Variants in PTPRN2 observed in about 807,000 individuals in gnomAD.
PTPRN2 encodes protein tyrosine phosphatase receptor type N2, also known as receptor-type tyrosine-protein phosphatase N2.
Under a neutral mutation model 118.8 loss-of-function variants are expected in PTPRN2, and 74 were observed. The observed-to-expected ratio is 0.62, with a 90% CI of 0.52 to 0.76. The LOEUF is 0.76. Among genes scored for constraint, PTPRN2 ranks in the 30% least tolerant of loss-of-function variants. PTPRN2 has a pLI of 0.00. For synonymous variants in PTPRN2, 641 were observed against 608.0 expected (o/e 1.05, Z -0.80); for missense variants, 1,481 against 1,394.4 (o/e 1.06, Z -0.99).
intron 10 of PTPRN2, among the ~76,000 whole-genome samples, chr7:158,109,888 T>C (rs1463443133): frequency 6.7e-6 from 1 of 150,346 alleles, no homozygotes. Flanking sequence ...AGTGAGTGAA[T>C]GATGTCACCC....
intron 11 of PTPRN2, among the ~76,000 whole-genome samples, chr7:158,072,893 T>G (rs771468837): frequency 1.3e-5 from 2 of 152,286 alleles, no homozygotes; most frequent in African/African-American, 2.4e-5. Flanking sequence ...GTCATAATAT[T>G]TGGACAATTC....
chr7:158,309,821 C>G (rs941512487), intron 3 of PTPRN2, among the ~76,000 whole-genome samples: 2 of 152,208 alleles, frequency 1.3e-5, no homozygotes, highest in African/African-American at 4.8e-5. Flanking sequence ...TTGACATCCT[C>G]CCCAAACGTA....
chr7:158,138,542 A>C, intron 6 of PTPRN2, 27 bp from the exon 7 acceptor site: 1 of 1,595,248 alleles, frequency 6.3e-7, no homozygotes, highest in Non-Finnish European at 8.5e-7. Flanking sequence ...AAACACAAGG[A>C]CGTTGTGGGT....
At chr7:158,564,257 T>C (rs1827546076) in intron 1 of PTPRN2, among the ~76,000 whole-genome samples, 1 of 143,152 alleles carries the variant, frequency 7.0e-6, no homozygotes, top group South Asian at 2.5e-4. Flanking sequence ...ATGAGTATTA[T>C]GACAAAAAAA....
At chr7:157,670,692 A>G (rs958243524) in intron 13 of PTPRN2, among the ~76,000 whole-genome samples, 1 of 152,204 alleles carries the variant, frequency 6.6e-6, no homozygotes, top group Non-Finnish European at 1.5e-5. Context: ...CTCACCGGGC[A>G]ATTAAGTTCT....
intron 2 of PTPRN2, among the ~76,000 whole-genome samples, chr7:158,463,073 C>G (rs1819119250): frequency 7.8e-6 from 1 of 128,510 alleles, no homozygotes; most frequent in African/African-American, 2.9e-5. Context: ...ACCATAAACC[C>G]CAAAGCCCCA....
chr7:158,381,709 T>C (rs533801759), intron 2 of PTPRN2, among the ~76,000 whole-genome samples: 103 of 152,284 alleles, frequency 6.8e-4, no homozygotes, highest in Admixed American at 2.4e-3. Context: ...TATTAGTCTG[T>C]TTTCATGCTG....
chr7:157,918,597 G>A lies in PTPRN2; in HGVS notation c.1724-19860C>T, dbSNP rs185735608. The stretch of plus-strand genomic sequence containing the variant: ...CCGTCCAGAAAGATTACAAACTGAC[G>A]CGGCCGGGAAAATCTATCAGACATA... On this transcript the variant is annotated intron_variant, in intron 11 of 22. Transcript: ENST00000389418. Among the ~76,000 whole-genome samples, 239 of 152,164 alleles carry A rather than the reference G, an allele frequency of 1.6e-3. 1 individual carries two copies. Among genetic ancestry groups the A allele is most frequent in the African/African-American group, 5.0e-3 (208 of 41,532 alleles).
At position 157,903,154 on chromosome 7, in the gene PTPRN2, A is replaced by G. The variant is rs1303478847; in HGVS notation, c.1724-4417T>C. 1.3e-5 allele frequency among the ~76,000 whole-genome samples: 2 copies of G among 152,150 alleles called. No homozygotes were observed. Among genetic ancestry groups the G allele is most frequent in the Non-Finnish European group, 1.5e-5 (1 of 68,024 alleles). On this transcript the variant is annotated intron_variant, in intron 11 of 22. Coordinates refer to ENST00000389418, the MANE Select transcript of PTPRN2 (RefSeq NM_002847.5). The surrounding 1 kb of genome is among the most constrained non-coding windows in gnomAD (Gnocchi z 4.2). ...ACGCTGCCACACACTCTCGCACGGA[A>G]GTGGGAACTACACTCATCAGAGAAC... is the stretch of plus-strand genomic sequence containing the variant.
intron 3 of PTPRN2, among the ~76,000 whole-genome samples, chr7:158,214,783 C>T (rs982265158): frequency 6.6e-6 from 1 of 152,078 alleles, no homozygotes; most frequent in Non-Finnish European, 1.5e-5. Flanking sequence ...AAAGACCCCA[C>T]CTTCAGGTAT....
At chr7:157,960,219 T>TA (rs1390333634) in intron 11 of PTPRN2, among the ~76,000 whole-genome samples, 1 of 152,098 alleles carries the variant, frequency 6.6e-6, no homozygotes, top group Non-Finnish European at 1.5e-5. Context: ...AGAGTTTCAG[T>TA]TTGAGAAAAT....
At chr7:158,154,856 A>C (rs1302242485) in intron 6 of PTPRN2, among the ~76,000 whole-genome samples, 1 of 152,202 alleles carries the variant, frequency 6.6e-6, no homozygotes, top group African/African-American at 2.4e-5. Flanking sequence ...TCTACAAACC[A>C]CACACACAGC....
chr7:157,644,806 A>AC (rs1804938106), intron 14 of PTPRN2, among the ~76,000 whole-genome samples: 3 of 101,550 alleles, frequency 3.0e-5, no homozygotes, highest in African/African-American at 6.5e-5. Context: ...AAAAAACAAA[A>AC]AAAAAAAAAC....
intron 11 of PTPRN2, chr7:158,027,264 C>G (rs914106333): frequency 6.6e-6 from 1 of 152,252 alleles, no homozygotes; most frequent in Non-Finnish European, 1.5e-5. Context: ...AAAGCCACCT[C>G]GTCTCCTGGC....
chr7:157,774,810 G>A lies in PTPRN2; in HGVS notation c.1789-91873C>T, dbSNP rs140392141. On this transcript the variant is annotated intron_variant, in intron 12 of 22. Transcript: ENST00000389418. ...ATGAGGGGACCAGTCCGAGTGGGGA[G>A]GCTTCCAAAGATGAGAGGACCAGTC... is the stretch of plus-strand genomic sequence containing the variant. 7.1e-4 allele frequency among the ~76,000 whole-genome samples: 108 copies of A among 152,238 alleles called. 1 individual carries two copies. The highest frequency in any genetic ancestry group is 2.6e-3 in the African/African-American group (107 of 41,558).
chr7:158,239,757 G>A (rs1038430453), intron 3 of PTPRN2, among the ~76,000 whole-genome samples: 14 of 152,324 alleles, frequency 9.2e-5, no homozygotes, highest in South Asian at 4.1e-4. Flanking sequence ...CTGGATGCAC[G>A]CCAAGACAAG....
At chr7:158,238,518 G>A (rs1297788588) in intron 3 of PTPRN2, among the ~76,000 whole-genome samples, 1 of 152,144 alleles carries the variant, frequency 6.6e-6, no homozygotes, top group East Asian at 1.9e-4. Context: ...CACGGTTTCT[G>A]TATCACCCAA....
chr7:158,341,544 A>T, intron 2 of PTPRN2, among the ~76,000 whole-genome samples: 1 of 103,316 alleles, frequency 9.7e-6, no homozygotes, highest in African/African-American at 3.6e-5. Flanking sequence ...AAGAGGTGAC[A>T]TCTGCAGACG....
chr7:158,262,980 T>TAC (rs71198590), intron 3 of PTPRN2, among the ~76,000 whole-genome samples: 9,995 of 143,130 alleles, frequency 0.07, 418 homozygotes, highest in African/African-American at 0.12. Flanking sequence ...ACTGCACACA[T>TAC]ACAGATTCAC....
Sources: allele counts gnomAD v4.1 joint callset (sites outside exome capture counted in the v4.1 genomes callset), GRCh38; gene constraint gnomAD v4.1.1; non-coding constraint Gnocchi (gnomAD v3.1); transcripts MANE v1.5; gene names NCBI Gene and HGNC (gene_info 2026-07-23, HGNC 2026-07-21).